Variants in CFTR observed in about 807,000 individuals in gnomAD.
CFTR encodes cystic fibrosis transmembrane conductance regulator.
A neutral mutation model predicts 171.6 loss-of-function variants in CFTR; 181 were observed. The ratio of observed to expected loss-of-function variants is 1.05; its 90% CI spans 0.93 to 1.19. CFTR has a LOEUF of 1.19. CFTR is among the 50% of genes most tolerant of loss of function. CFTR has a pLI of 0.00. For missense variants in CFTR, 1,968 were observed against 1,734.7 expected (o/e 1.13, Z -2.39); for synonymous variants, 583 against 608.0 (o/e 0.96, Z 0.60).
intron 10 of CFTR, among the ~76,000 whole-genome samples, chr7:117,550,344 T>C (rs1361458105): frequency 6.6e-6 from 1 of 150,636 alleles, no homozygotes; most frequent in African/African-American, 2.5e-5. Flanking sequence ...AAAAAAAAAA[T>C]TGGTGTTTGC....
intron 10 of CFTR, among the ~76,000 whole-genome samples, chr7:117,554,766 C>T (rs1799324038): frequency 6.6e-6 from 1 of 152,082 alleles, no homozygotes; most frequent in Non-Finnish European, 1.5e-5. Flanking sequence ...AGGGTGTTAT[C>T]AACTAGGTCA....
intron 11 of CFTR, among the ~76,000 whole-genome samples, chr7:117,587,158 G>A (rs773186155): frequency 5.3e-5 from 8 of 152,128 alleles, no homozygotes; most frequent in East Asian, 1.9e-4. Context: ...GAGAGAGGTC[G>A]TGAGAATGAG....
chr7:117,504,180 G>T, intron 1 of CFTR, 73 bp from the exon 2 acceptor site: 1 of 864,724 alleles, frequency 1.2e-6, no homozygotes, highest in East Asian at 2.4e-5. Context: ...CAGAAAAGTT[G>T]AATAGTATCA....
At chr7:117,490,770 A>G (rs996711203) in intron 1 of CFTR, among the ~76,000 whole-genome samples, 1 of 151,924 alleles carries the variant, frequency 6.6e-6, no homozygotes, top group African/African-American at 2.4e-5. Flanking sequence ...TATAATTAGC[A>G]CCTTTTCATC....
At chr7:117,545,146 G>A (rs1238986723) in intron 9 of CFTR, among the ~76,000 whole-genome samples, 3 of 152,204 alleles carry the variant, frequency 2.0e-5, no homozygotes, top group Non-Finnish European at 4.4e-5. Flanking sequence ...CTCACATGGA[G>A]GCAGATAAGA....
intron 11 of CFTR, among the ~76,000 whole-genome samples, chr7:117,571,931 C>T (rs892050878): frequency 6.6e-6 from 1 of 151,974 alleles, no homozygotes; most frequent in Admixed American, 6.6e-5. Context: ...AAATTGCATT[C>T]GAATTTGAGT....
chr7:117,658,293 GT>G (rs1445717513), intron 24 of CFTR, among the ~76,000 whole-genome samples: 5 of 152,116 alleles, frequency 3.3e-5, no homozygotes, highest in African/African-American at 9.7e-5. Context: ...TAGGATTGTT[GT>G]GACTTTTCAA....
chr7:117,503,984 T>C (rs775202276), intron 1 of CFTR, among the ~76,000 whole-genome samples: 18 of 152,194 alleles, frequency 1.2e-4, no homozygotes, highest in Admixed American at 7.9e-4. Context: ...TGTTTAGCAG[T>C]TTGTTTTTTC....
At chr7:117,554,663 G>T (rs1336567282) in intron 10 of CFTR, among the ~76,000 whole-genome samples, 1 of 152,048 alleles carries the variant, frequency 6.6e-6, no homozygotes, top group South Asian at 2.1e-4. Context: ...AGGTTAAGGA[G>T]GTGGGTGAAG....
chr7:117,605,819 G>C (rs939825659), intron 17 of CFTR, among the ~76,000 whole-genome samples: 3 of 152,160 alleles, frequency 2.0e-5, no homozygotes. Context: ...GGTGGGTTGA[G>C]GCCAAATTAT....
intron 7 of CFTR, among the ~76,000 whole-genome samples, chr7:117,538,193 G>A (rs988833282): frequency 6.6e-6 from 1 of 152,144 alleles, no homozygotes; most frequent in African/African-American, 2.4e-5. Flanking sequence ...ACTCAAGAGA[G>A]CAAATATAAT....
chr7:117,579,641 A>G (rs1203297843), intron 11 of CFTR, among the ~76,000 whole-genome samples: 1 of 151,228 alleles, frequency 6.6e-6, no homozygotes, highest in East Asian at 1.9e-4. Flanking sequence ...TTTATGAATA[A>G]GATTTATGCG....
intron 1 of CFTR, among the ~76,000 whole-genome samples, 155 bp from the exon 2 acceptor site, chr7:117,504,098 G>T (rs1015168255): frequency 6.6e-6 from 1 of 152,160 alleles, no homozygotes; most frequent in African/African-American, 2.4e-5. Flanking sequence ...GCCTGTAAGA[G>T]ATGAAGCCTG....
chr7:117,493,392 T>C (rs1000592601), intron 1 of CFTR, among the ~76,000 whole-genome samples: 38 of 152,130 alleles, frequency 2.5e-4, no homozygotes, highest in African/African-American at 7.7e-4. Flanking sequence ...GTAAAAGGGA[T>C]TTAAAGCAAG....
rs397508812 is a variant in CFTR at position 117,540,107 on chromosome 7, C to A, written c.877C>A (p.Leu293Met). ...KMIENLRQTE[L>M]KLTRKAAYVR... ...TGTTATTGTTTTTTATAGAACAGAA[C>A]TGAAACTGACTCGGAAGGCAGCCTA... The change falls in exon 8 of 27, where the codon CTG becomes ATG. Residue 293 changes from leucine (L) to methionine (M), a missense_variant. Physicochemically the swap from Leu to Met is conservative, Grantham distance 15 (BLOSUM62 2). Coordinates refer to ENST00000003084, the MANE Select transcript of CFTR (RefSeq NM_000492.4). 1 of 1,612,446 alleles carries A rather than the reference C, an allele frequency of 6.2e-7. No homozygotes were observed. Among genetic ancestry groups the A allele is most frequent in the Admixed American group, 1.7e-5 (1 of 59,966 alleles).
intron 23 of CFTR, among the ~76,000 whole-genome samples, chr7:117,649,278 ATGTGTG>A (rs375570103): frequency 2.2e-5 from 3 of 137,376 alleles, no homozygotes; most frequent in South Asian, 2.3e-4. Flanking sequence ...TATACATGGG[ATGTGTG>A]TGTGTGTGTG....
chr7:117,662,572 G>A (rs1793309509), intron 24 of CFTR, among the ~76,000 whole-genome samples: 1 of 152,182 alleles, frequency 6.6e-6, no homozygotes, highest in Non-Finnish European at 1.5e-5. Context: ...CATACACCAG[G>A]TGAGAGATCT....
chr7:117,639,346 A>T lies in CFTR; in HGVS notation c.3718-3092A>T, dbSNP rs191391426. Among the ~76,000 whole-genome samples, 418 of 152,068 alleles carry T rather than the reference A, an allele frequency of 2.7e-3. 2 individuals carry two copies. Among genetic ancestry groups the T allele is most frequent in the African/African-American group, 9.4e-3 (391 of 41,488 alleles). The stretch of plus-strand genomic sequence containing the variant: ...AATAGTTTTTTCTTAAAACCTTTTG[A>T]CTTTTTATCTAAATTGTAATAGCCA... On this transcript the variant is annotated intron_variant, in intron 22 of 26. Coordinates refer to ENST00000003084, the MANE Select transcript of CFTR (RefSeq NM_000492.4).
At chr7:117,639,084 T>C (rs903888532) in intron 22 of CFTR, among the ~76,000 whole-genome samples, 27 of 152,316 alleles carry the variant, frequency 1.8e-4, no homozygotes, top group African/African-American at 6.5e-4. Flanking sequence ...TTGGTTATGG[T>C]GAAGAGGTGA....
Sources: gnomAD v4.1 joint callset for allele counts (sites outside exome capture counted in the v4.1 genomes callset) on GRCh38, gnomAD v4.1.1 for gene constraint, MANE v1.5 for transcripts, NCBI Gene and HGNC (gene_info 2026-07-23, HGNC 2026-07-21) for gene names.